CLVS1: variants seen among roughly 807,000 people sequenced by gnomAD.
The protein encoded by CLVS1 is clavesin-1.
A neutral mutation model predicts 33.1 loss-of-function variants in CLVS1; 10 were observed. The ratio of observed to expected loss-of-function variants is 0.30; its 90% confidence interval spans 0.19 to 0.51. The LOEUF is 0.51. Among genes scored for constraint, CLVS1 ranks in the 20% least tolerant of loss-of-function variants. The pLI, the probability that CLVS1 is intolerant of heterozygous loss-of-function variation, is 0.97. For synonymous variants in CLVS1, 163 were observed against 166.1 expected, an observed-to-expected ratio of 0.98 and a Z score of 0.14; for missense variants, 343 against 433.4, an observed-to-expected ratio of 0.79 and a Z score of 1.85.
intron 2 of CLVS1, among the ~76,000 whole-genome samples, chr8:61,227,570 C>A (rs1328864272): frequency 6.6e-6 from 1 of 152,156 alleles, no homozygotes; most frequent in Non-Finnish European, 1.5e-5. Flanking sequence ...TGTTTTAAAT[C>A]TGCCAATAAA....
At chr8:61,450,939 T>G (rs1262900997) in intron 3 of CLVS1, among the ~76,000 whole-genome samples, 1 of 152,174 alleles carries the variant, frequency 6.6e-6, no homozygotes, top group Non-Finnish European at 1.5e-5. Flanking sequence ...AGATGAAGCA[T>G]GTCACTTTCG....
intron 1 of CLVS1, among the ~76,000 whole-genome samples, chr8:61,074,118 G>C (rs781216573): frequency 2.0e-5 from 3 of 151,510 alleles, no homozygotes; most frequent in Non-Finnish European, 4.4e-5. Context: ...CGGAAGCATG[G>C]CTTGAGCCTA....
At chr8:61,288,292 C>T in intron 1 of CLVS1, 154 bp downstream of exon 1, 2 of 455,976 alleles carry the variant, frequency 4.4e-6, no homozygotes, top group Admixed American at 2.3e-5. Context: ...CGCACCGCAC[C>T]CCGCTCCCCG....
intron 1 of CLVS1, among the ~76,000 whole-genome samples, chr8:61,069,097 G>A (rs1252119092): frequency 2.0e-5 from 3 of 152,152 alleles, no homozygotes; most frequent in Admixed American, 6.5e-5. Context: ...CTCCCAAGTA[G>A]TTGGAATTAT....
chr8:61,209,890 G>A (rs1383891849), intron 2 of CLVS1, among the ~76,000 whole-genome samples: 2 of 152,208 alleles, frequency 1.3e-5, no homozygotes, highest in Non-Finnish European at 2.9e-5. Flanking sequence ...AACCGATAGA[G>A]TATGGCAAAA....
At position 61,298,986 on chromosome 8, in the gene CLVS1, C is replaced by A. The variant is rs1029125610; in HGVS notation, c.-151-691C>A. Among the ~76,000 whole-genome samples the A allele has an allele frequency of 2.0e-5, 3 of 152,086 alleles. No homozygotes were observed. The South Asian group carries it at 6.2e-4, about 32-fold the overall frequency. On this transcript the variant is annotated intron_variant, in intron 1 of 5. Transcript: ENST00000325897. Reference sequence around the variant, plus strand: ...CTCTGCTTTCCTAGTAAAAGAATGGCAAATGCAAATAATAAAGCCATTTGC... The same window carrying A: ...CTCTGCTTTCCTAGTAAAAGAATGGAAAATGCAAATAATAAAGCCATTTGC...
chr8:61,033,100 A>G, the CLVS1 span, among the ~76,000 whole-genome samples: 1 of 102,616 alleles, frequency 9.7e-6, no homozygotes, highest in African/African-American at 3.9e-5. Flanking sequence ...AGAAAGAAAG[A>G]TAGAAAGAAA....
At chr8:61,098,966 A>G (rs2129286088) in intron 1 of CLVS1, among the ~76,000 whole-genome samples, 1 of 152,274 alleles carries the variant, frequency 6.6e-6, no homozygotes, top group Non-Finnish European at 1.5e-5. Flanking sequence ...ACTAAAACAA[A>G]ATAGGGTAAT....
chr8:61,000,589 G>A, the CLVS1 span, among the ~76,000 whole-genome samples: 1 of 152,152 alleles, frequency 6.6e-6, no homozygotes, highest in Non-Finnish European at 1.5e-5. Context: ...TAATAAAAAC[G>A]TCAAAGATTT....
At chr8:61,433,815 G>A (rs1032621319) in intron 3 of CLVS1, among the ~76,000 whole-genome samples, 4 of 152,154 alleles carry the variant, frequency 2.6e-5, no homozygotes, top group South Asian at 4.1e-4. Flanking sequence ...CTGGGAGGCC[G>A]AGGCAGGAGA....
At chr8:61,497,797 T>C (rs1219852657) in intron 5 of CLVS1, among the ~76,000 whole-genome samples, 2 of 152,184 alleles carry the variant, frequency 1.3e-5, no homozygotes, top group Non-Finnish European at 2.9e-5. Flanking sequence ...GGTTGCCCAT[T>C]CTTACGGTTA....
intron 2 of CLVS1, among the ~76,000 whole-genome samples, chr8:61,229,722 C>T (rs2129311584): frequency 6.6e-6 from 1 of 152,316 alleles, no homozygotes; most frequent in Non-Finnish European, 1.5e-5. Context: ...CCTCTGCCTC[C>T]TGGGTTGAAG....
At chr8:61,231,924 C>G (rs1808440228) in intron 2 of CLVS1, among the ~76,000 whole-genome samples, 2 of 151,036 alleles carry the variant, frequency 1.3e-5, no homozygotes, top group Admixed American at 6.6e-5. Context: ...GAGGTGGGCA[C>G]AGTGCCCTCT....
intron 2 of CLVS1, among the ~76,000 whole-genome samples, chr8:61,313,798 T>A (rs998778589): frequency 2.6e-5 from 4 of 152,074 alleles, no homozygotes; most frequent in African/African-American, 9.7e-5. Context: ...GCAATTGAAC[T>A]TGAGAATGAG....
intron 2 of CLVS1, among the ~76,000 whole-genome samples, chr8:61,250,743 C>T (rs1016503732): frequency 2.0e-5 from 3 of 152,152 alleles, no homozygotes; most frequent in Non-Finnish European, 4.4e-5. Context: ...TAAAGGAATG[C>T]ATGTGATTTT....
intron 3 of CLVS1, among the ~76,000 whole-genome samples, chr8:61,451,240 G>T (rs558442505): frequency 6.6e-6 from 1 of 152,064 alleles, no homozygotes; most frequent in Non-Finnish European, 1.5e-5. Context: ...TAGTAAGAGT[G>T]TGTCTTTGGC....
rs1810370956 is a variant in CLVS1 at position 61,299,954 on chromosome 8, A to C, written c.127A>C (p.Asn43His). ...TATAGAGAAAGCTCGCCTGGAACTG[A>C]ATGAAAACCCCGATGTTTTACATCA... is the stretch of plus-strand genomic sequence containing the variant. ...ETIEKARLELNENPDVLHQDI... is the reference protein window; with the variant it reads ...ETIEKARLELHENPDVLHQDI... Residue 43 changes from asparagine to histidine, a missense_variant, in exon 2 of 6, where the codon AAT becomes CAT. Around this residue, in one of 4 missense-constraint regions of CLVS1, gnomAD observed 88 missense variants for 77.3 expected, o/e 1.14. Coordinates refer to ENST00000325897, the MANE Select transcript of CLVS1 (RefSeq NM_173519.3). The C allele has an allele frequency of 6.2e-7, 1 of 1,613,926 alleles. No individual in the cohort carries two copies. The highest frequency in any genetic ancestry group is 8.5e-7 in the Non-Finnish European group (1 of 1,179,982).
intron 2 of CLVS1, among the ~76,000 whole-genome samples, chr8:61,335,135 G>T (rs1036813017): frequency 1.3e-5 from 2 of 152,192 alleles, no homozygotes; most frequent in Non-Finnish European, 2.9e-5. Flanking sequence ...TCCATCAAGT[G>T]CAGAGTCTGC....
At chr8:61,048,842 G>GT in the CLVS1 span, among the ~76,000 whole-genome samples, 5 of 151,926 alleles carry the variant, frequency 3.3e-5, no homozygotes, top group Admixed American at 2.6e-4. Flanking sequence ...CTCCCTCACT[G>GT]TTTTTTTCTG....
Sources: gnomAD v4.1 joint callset for allele counts (sites outside exome capture counted in the v4.1 genomes callset) on GRCh38, gnomAD v4.1.1 for gene constraint, gnomAD v4.1.1 regional missense constraint, MANE v1.5 for transcripts, NCBI Gene and HGNC (gene_info 2026-07-23, HGNC 2026-07-21) for gene names.